IRAK1BP1: variants seen among roughly 807,000 people sequenced by gnomAD.
IRAK1BP1 encodes interleukin-1 receptor-associated kinase 1-binding protein 1.
In IRAK1BP1, 24 loss-of-function variants were observed where a neutral mutation model predicts 28.0. The ratio of observed to expected loss-of-function variants is 0.86; its 90% confidence interval spans 0.62 to 1.20. IRAK1BP1 has a LOEUF of 1.20. IRAK1BP1 is among the 50% of genes most tolerant of loss of function. The probability of loss-of-function intolerance (pLI) is 0.00; values close to 1 mark genes in which losing one functional copy is unlikely to be tolerated. For synonymous variants in IRAK1BP1, 131 were observed against 116.3 expected, an observed-to-expected ratio of 1.13 and a Z score of -0.81; for missense variants, 336 against 316.7, an observed-to-expected ratio of 1.06 and a Z score of -0.46.
intron 4 of IRAK1BP1, among the ~76,000 whole-genome samples, chr6:78,914,127 C>T (rs1191837784): frequency 6.6e-6 from 1 of 151,912 alleles, no homozygotes; most frequent in Non-Finnish European, 1.5e-5. Context: ...ATGATTAGCA[C>T]ATTAATAAAT....
downstream of IRAK1BP1, among the ~76,000 whole-genome samples, chr6:78,908,030 T>TTTTATTTA (rs528275854): frequency 7.7e-3 from 1,139 of 147,908 alleles, 15 homozygotes; most frequent in African/African-American, 0.021. Flanking sequence ...TTATTTTTTA[T>TTTTATTTA]TTTATTTATT....
chr6:78,903,906 T>G (rs1051363680), downstream of IRAK1BP1, among the ~76,000 whole-genome samples: 8 of 152,228 alleles, frequency 5.3e-5, no homozygotes, highest in African/African-American at 1.7e-4. Context: ...CTGGTCACAT[T>G]AATTATGCCC....
At chr6:78,970,966 A>G in the IRAK1BP1 span, 2 of 939,020 alleles carry the variant, frequency 2.1e-6, no homozygotes, top group South Asian at 3.1e-5. Flanking sequence ...CTGAAATTGC[A>G]AAGAGAAAAT....
intron 4 of IRAK1BP1, among the ~76,000 whole-genome samples, chr6:78,932,625 G>T (rs1362143778): frequency 6.6e-6 from 1 of 151,940 alleles, no homozygotes; most frequent in African/African-American, 2.4e-5. Flanking sequence ...CACCACGTTG[G>T]CCAGGCTGGT....
intron 2 of IRAK1BP1, among the ~76,000 whole-genome samples, chr6:78,890,013 A>T (rs772508598): frequency 6.6e-5 from 10 of 152,138 alleles, no homozygotes; most frequent in Non-Finnish European, 1.5e-4. Flanking sequence ...ACGACTTGGA[A>T]CCAACCCAAA....
At chr6:78,908,330 G>A (rs959357618) in intron 4 of IRAK1BP1, among the ~76,000 whole-genome samples, 4 of 151,940 alleles carry the variant, frequency 2.6e-5, no homozygotes, top group African/African-American at 7.3e-5. Context: ...GGATTAAGGC[G>A]TGAGCCACCA....
At position 78,935,638 on chromosome 6, in the gene IRAK1BP1, T is replaced by C. The variant is rs1480856624; in HGVS notation, c.*68-9770T>C. On this transcript the variant is annotated intron_variant and NMD_transcript_variant, in intron 4 of 4. Coordinates refer to the IRAK1BP1 transcript ENST00000606868. ...AGGCATATAAGTTTTTGACCTTCAGTTGTTTTGGAATTAAATTACATTTCG... is the reference window on the plus strand; with the variant it reads ...AGGCATATAAGTTTTTGACCTTCAGCTGTTTTGGAATTAAATTACATTTCG... The C allele has an allele frequency of 8.1e-6, 8 of 982,896 alleles. No homozygotes were observed. The Admixed American group carries it at 3.7e-4, about 45-fold the overall frequency. 60.9% of individuals were successfully genotyped at this position (982,896 alleles called of 1,614,324 possible). A position where few individuals can be genotyped will look rare whatever the true frequency, so the allele number is the denominator to read the frequency against.
At chr6:78,964,550 T>C in the IRAK1BP1 span, among the ~76,000 whole-genome samples, 1 of 152,202 alleles carries the variant, frequency 6.6e-6, no homozygotes, top group Non-Finnish European at 1.5e-5. Context: ...TGGAGCGCAG[T>C]GGTGCAATCT....
chr6:78,902,715 G>A lies in IRAK1BP1; in HGVS notation c.*4381G>A, dbSNP rs1177446377. 3.4e-6 allele frequency: 1 copy of A among 297,962 alleles called. No homozygotes were observed. Among genetic ancestry groups the A allele is most frequent in the Non-Finnish European group, 6.2e-6 (1 of 161,320 alleles). The allele number at this position is 297,962 out of a possible 1,614,324, so 18.5% of individuals were successfully genotyped here. A position where few individuals can be genotyped will look rare whatever the true frequency, so the allele number is the denominator to read the frequency against. ...GAACCTGGGAGGCAGAGCTTACAGT[G>A]AGCCGAGATCGCACCACTGCACTTC... On this transcript the variant is annotated 3_prime_UTR_variant, in exon 4 of 4. Coordinates refer to ENST00000369940, the MANE Select transcript of IRAK1BP1 (RefSeq NM_001010844.4).
At chr6:78,932,421 C>CTTTTTTTTTTTT (rs386407659) in intron 4 of IRAK1BP1, among the ~76,000 whole-genome samples, 40 of 123,680 alleles carry the variant, frequency 3.2e-4, no homozygotes, top group East Asian at 9.4e-4. Context: ...CTTTCTTTTT[C>CTTTTTTTTTTTT]TTTTTTTTTT....
intron 4 of IRAK1BP1, among the ~76,000 whole-genome samples, chr6:78,928,496 T>A (rs1772952061): frequency 1.3e-5 from 2 of 152,146 alleles, no homozygotes. Context: ...TCCTTTCCAA[T>A]TTGGATGCCC....
intron 4 of IRAK1BP1, among the ~76,000 whole-genome samples, chr6:78,933,445 T>C (rs1773133111): frequency 7.3e-6 from 1 of 137,286 alleles, no homozygotes; most frequent in African/African-American, 2.6e-5. Context: ...GTGAACCCCT[T>C]CTCTTCTTAA....
the IRAK1BP1 span, among the ~76,000 whole-genome samples, chr6:78,979,122 G>T: frequency 6.6e-6 from 1 of 152,054 alleles, no homozygotes; most frequent in Non-Finnish European, 1.5e-5. Context: ...CCTGGATTTT[G>T]TTATCTGCAG....
intron 1 of IRAK1BP1, among the ~76,000 whole-genome samples, chr6:78,884,652 G>A (rs1437938336): frequency 1.3e-5 from 2 of 152,056 alleles, no homozygotes; most frequent in Non-Finnish European, 1.5e-5. Flanking sequence ...GCTATATGGT[G>A]TACGTGGTAT....
the IRAK1BP1 span, chr6:78,961,598 AC>A: frequency 1.7e-5 from 22 of 1,280,672 alleles, no homozygotes; most frequent in Non-Finnish European, 2.3e-5. Flanking sequence ...ATTCCTATAT[AC>A]AAAAAGTTGA....
the IRAK1BP1 span, among the ~76,000 whole-genome samples, chr6:78,953,663 C>T: frequency 1.1e-4 from 17 of 152,202 alleles, no homozygotes; most frequent in Admixed American, 8.5e-4. Context: ...TTTTAAATGA[C>T]ATGAAAAAAG....
At chr6:78,974,637 A>AT in the IRAK1BP1 span, among the ~76,000 whole-genome samples, 2 of 152,258 alleles carry the variant, frequency 1.3e-5, no homozygotes, top group Non-Finnish European at 2.9e-5. Context: ...AGCAAGACTA[A>AT]TAAAAGAAAA....
intron 1 of IRAK1BP1, among the ~76,000 whole-genome samples, chr6:78,877,360 C>T (rs187883713): frequency 6.6e-6 from 1 of 152,258 alleles, no homozygotes; most frequent in Admixed American, 6.5e-5. Flanking sequence ...TGTCAACAGG[C>T]AATTTTTATT....
the IRAK1BP1 span, among the ~76,000 whole-genome samples, chr6:78,974,453 C>G: frequency 4.0e-5 from 6 of 151,730 alleles, no homozygotes; most frequent in African/African-American, 1.5e-4. Flanking sequence ...ACCCTAACAT[C>G]ACAATTAAAA....
Sources: allele counts gnomAD v4.1 joint callset (sites outside exome capture counted in the v4.1 genomes callset), GRCh38; gene constraint gnomAD v4.1.1; transcripts MANE v1.5; gene names NCBI Gene and HGNC (gene_info 2026-07-23, HGNC 2026-07-21).